The following VEGFA variants were observed in gnomAD, a reference collection of about 807,000 sequenced individuals.
VEGFA encodes vascular endothelial growth factor A, long form.
A neutral mutation model predicts 49.7 loss-of-function variants in VEGFA; 20 were observed. The observed-to-expected ratio is 0.40, with a 90% CI of 0.28 to 0.58. The LOEUF is 0.58. Ranked by LOEUF, VEGFA falls within the 20% of genes least tolerant of loss-of-function variation. The pLI, the probability that VEGFA is intolerant of heterozygous loss-of-function variation, is 0.40. For synonymous variants in VEGFA, 219 were observed against 223.4 expected, an observed-to-expected ratio of 0.98 and a Z score of 0.18; for missense variants, 505 against 553.5, an observed-to-expected ratio of 0.91 and a Z score of 0.88.
rs1355323511 is a variant in VEGFA, at chr6:43,785,628, C to G, written c.*1066C>G. On this transcript the variant is annotated 3_prime_UTR_variant, in exon 8 of 8. Coordinates refer to ENST00000672860, the MANE Select transcript of VEGFA (RefSeq NM_003376.6). ...ACCTATGTCCTCACACCATTGAAAC[C>G]ACTAGTTCTGTCCCCCCAGGAGACC... 9.8e-6 allele frequency: 2 copies of G among 203,554 alleles called. No individual in the cohort carries two copies. The highest frequency in any genetic ancestry group is 1.2e-4 in the Admixed American group (2 of 16,714). The allele number at this position is 203,554 out of a possible 1,614,324, so 12.6% of individuals were successfully genotyped here.
intron 6 of VEGFA, chr6:43,781,727 GC>G: frequency 1.9e-6 from 1 of 524,142 alleles, no homozygotes; most frequent in Admixed American, 2.8e-5. Flanking sequence ...TGCACTCTCT[GC>G]CCGTCTGTGC....
chr6:43,774,175 C>A (rs1350035927), intron 1 of VEGFA, 166 bp from the exon 2 acceptor site: 4 of 705,868 alleles, frequency 5.7e-6, no homozygotes, highest in Non-Finnish European at 1.0e-5. Context: ...TGGGCATATT[C>A]TGTGCCCGTG....
chr6:43,778,779 A>G (rs1451354203), intron 4 of VEGFA, 110 bp from the exon 5 acceptor site: 2 of 1,267,776 alleles, frequency 1.6e-6, no homozygotes, highest in East Asian at 4.7e-5. Flanking sequence ...GTGTTGCTCC[A>G]TAATAAATGC....
chr6:43,770,407 T>G lies in VEGFA; in HGVS notation c.-300T>G. On this transcript the variant is annotated 5_prime_UTR_variant, in exon 1 of 8. Coordinates refer to ENST00000672860, the MANE Select transcript of VEGFA (RefSeq NM_003376.6). ...TCTTAAACATTTTTTTTTAAAACTG[T>G]ATTGTTTCTCGTTTTAATTTATTTT... 2.5e-6 allele frequency: 1 copy of G among 401,618 alleles called. No homozygotes were observed. The highest frequency in any genetic ancestry group is 4.3e-6 in the Non-Finnish European group (1 of 234,912). The allele number at this position is 401,618 out of a possible 1,614,324, so 24.9% of individuals were successfully genotyped here.
rs569791806 is a variant in VEGFA, at chr6:43,774,374, G to C, written c.640G>C (p.Gly214Arg). The stretch of plus-strand genomic sequence containing the variant: ...GGCTGCACCCATGGCAGAAGGAGGA[G>C]GGCAGAATCATCACGAAGGTGAGTC... Residue 214 changes from glycine to arginine, a missense_variant, in exon 2 of 8, where the codon GGG becomes CGG. By Grantham distance (125) the Gly-to-Arg change is moderately radical. Around this residue, in one of 2 missense-constraint regions of VEGFA, gnomAD observed 340 missense variants for 321.8 expected, o/e 1.06. Coordinates refer to ENST00000672860, the MANE Select transcript of VEGFA (RefSeq NM_003376.6). The C allele has an allele frequency of 1.8e-4, 296 of 1,614,226 alleles. 1 individual carries two copies. The South Asian group carries it at 3.1e-3, about 17-fold the overall frequency.
chr6:43,773,442 G>C lies in VEGFA; in HGVS notation c.607-899G>C, dbSNP rs188250962. On this transcript the variant is annotated intron_variant, in intron 1 of 7. Transcript: ENST00000672860. The surrounding 1 kb of genome is among the most constrained non-coding windows in gnomAD (Gnocchi z 5.6). ...CGTGTTGACCTTCACAGCTTCTGGC[G>C]AGGGGAGGAATGATCTGATGCGGGT... The C allele has an allele frequency of 2.0e-5, 3 of 152,392 alleles. 1 individual carries two copies. The highest frequency in any genetic ancestry group is 1.9e-4 in the East Asian group (1 of 5,180). 9.4% of individuals were successfully genotyped at this position (152,392 alleles called of 1,614,324 possible). A position where few individuals can be genotyped will look rare whatever the true frequency, so the allele number is the denominator to read the frequency against.
At chr6:43,778,275 G>A (rs570568298) in intron 3 of VEGFA, 185 bp from the exon 4 acceptor site, 1 of 674,936 alleles carries the variant, frequency 1.5e-6, no homozygotes, top group East Asian at 2.7e-5. Flanking sequence ...AGGCCAGCAG[G>A]GTTGGGGGAG....
rs1251883361 is a variant in VEGFA, at chr6:43,786,056, C to T, written c.*1494C>T. On this transcript the variant is annotated 3_prime_UTR_variant, in exon 8 of 8. Transcript: ENST00000672860. ...CACTCAGCTCTGCCCTCCCCGATCC[C>T]CTGGCTCCCCAGCACACATTCCTTT... The T allele has an allele frequency of 5.5e-6, 1 of 182,074 alleles. No individual in the cohort carries two copies. Among genetic ancestry groups the T allele is most frequent in the East Asian group, 9.2e-5 (1 of 10,876 alleles). 11.3% of individuals were successfully genotyped at this position (182,074 alleles called of 1,614,324 possible).
chr6:43,784,592 G>A lies in VEGFA; in HGVS notation c.*30G>A. ...GGCAGGAGGAAGGAGCCTCCCTCAGGGTTTCGGGAACCAGATCTCTCACCA... is the reference window on the plus strand; with the variant it reads ...GGCAGGAGGAAGGAGCCTCCCTCAGAGTTTCGGGAACCAGATCTCTCACCA... On this transcript the variant is annotated 3_prime_UTR_variant, in exon 8 of 8. Coordinates refer to ENST00000672860, the MANE Select transcript of VEGFA (RefSeq NM_003376.6). The A allele has an allele frequency of 6.2e-7, 1 of 1,614,206 alleles. No individual in the cohort carries two copies. The highest frequency in any genetic ancestry group is 8.5e-7 in the Non-Finnish European group (1 of 1,180,032).
chr6:43,774,430 TC>T, intron 2 of VEGFA, 38 bp downstream of exon 2: 1 of 1,609,018 alleles, frequency 6.2e-7, no homozygotes, highest in East Asian at 2.2e-5. Flanking sequence ...TTCCCTGTCC[TC>T]TCAGGGGATG....
chr6:43,770,591 G>A lies in VEGFA; in HGVS notation c.-116G>A. On this transcript the variant is annotated 5_prime_UTR_variant, in exon 1 of 8. Coordinates refer to ENST00000672860, the MANE Select transcript of VEGFA (RefSeq NM_003376.6). Reference sequence around the variant, plus strand: ...AGAGAGACGGGGTCAGAGAGAGCGCGCGGGCGTGCGAGCAGCGAAAGCGAC... The same window carrying A: ...AGAGAGACGGGGTCAGAGAGAGCGCACGGGCGTGCGAGCAGCGAAAGCGAC... 7.1e-7 allele frequency: 1 copy of A among 1,415,602 alleles called. No homozygotes were observed. The highest frequency in any genetic ancestry group is 1.5e-5 in the South Asian group (1 of 66,652). 87.7% of individuals were successfully genotyped at this position (1,415,602 alleles called of 1,614,324 possible).
Position 43,781,768 on chromosome 6 carries a change from C to T in VEGFA, c.1035-188C>T, listed in dbSNP as rs952931365. The T allele has an allele frequency of 2.1e-5, 15 of 698,022 alleles. No homozygotes were observed. The Admixed American group carries it at 2.9e-4, about 14-fold the overall frequency. The allele number at this position is 698,022 out of a possible 1,614,324, so 43.2% of individuals were successfully genotyped here. A position where few individuals can be genotyped will look rare whatever the true frequency, so the allele number is the denominator to read the frequency against. On this transcript the variant is annotated intron_variant, in intron 6 of 7. Coordinates refer to ENST00000672860, the MANE Select transcript of VEGFA (RefSeq NM_003376.6). Reference sequence around the variant, plus strand: ...CTCTTCCTGCGGCAGGTGTCCTAGCCAGTGCTGCCTCTTTCCGCCGCTCTC... The same window carrying T: ...CTCTTCCTGCGGCAGGTGTCCTAGCTAGTGCTGCCTCTTTCCGCCGCTCTC...
intron 5 of VEGFA, 30 bp downstream of exon 5, chr6:43,778,948 C>G (rs1047591673): frequency 6.2e-7 from 1 of 1,614,018 alleles, no homozygotes; most frequent in African/African-American, 1.3e-5. Flanking sequence ...GCACTTCTCC[C>G]TCTCCATGGC....
chr6:43,770,778 G>T lies in VEGFA; in HGVS notation c.72G>T (p.Val24=), dbSNP rs1763287398. 1.4e-6 allele frequency: 2 copies of T among 1,474,792 alleles called. No homozygotes were observed. The highest frequency in any genetic ancestry group is 1.5e-5 in the African/African-American group (1 of 67,824). 91.4% of individuals were successfully genotyped at this position (1,474,792 alleles called of 1,614,324 possible). ...TCCTCCCCGGCCGGCGGCGGACAGTGGACGCGGCGGCGAGCCGCGGGCAGG... is the reference window on the plus strand; with the variant it reads ...TCCTCCCCGGCCGGCGGCGGACAGTTGACGCGGCGGCGAGCCGCGGGCAGG... The change falls in exon 1 of 8, where the codon GTG becomes GTT. Residue 24 remains valine, a synonymous_variant. Transcript: ENST00000672860.
chr6:43,772,025 T>C, intron 1 of VEGFA: 2 of 985,286 alleles, frequency 2.0e-6, no homozygotes, highest in East Asian at 2.3e-4. Flanking sequence ...GAGCCTCGGC[T>C]GCCCGAATGG....
intron 1 of VEGFA, 64 bp downstream of exon 1, chr6:43,771,376 G>A: frequency 6.5e-7 from 1 of 1,534,858 alleles, no homozygotes; most frequent in East Asian, 2.4e-5. Context: ...CTGGGGACGT[G>A]CGTGCGAGCG....
chr6:43,777,362 C>T lies in VEGFA; in HGVS notation c.659-107C>T. ...TTACGTTAGATTTTGGAAGGACTTGCCTGATTCGGAAGCTCCAAAGAGTGG... is the reference window on the plus strand; with the variant it reads ...TTACGTTAGATTTTGGAAGGACTTGTCTGATTCGGAAGCTCCAAAGAGTGG... On this transcript the variant is annotated intron_variant, in intron 2 of 7. Transcript: ENST00000672860. This position sits in a 1 kb window ranked among gnomAD's most constrained non-coding sequence, Gnocchi z 4.3. 2 of 1,309,112 alleles carry T rather than the reference C, an allele frequency of 1.5e-6. No homozygotes were observed. Among genetic ancestry groups the T allele is most frequent in the Non-Finnish European group, 2.2e-6 (2 of 922,888 alleles). 81.1% of individuals were successfully genotyped at this position (1,309,112 alleles called of 1,614,324 possible).
chr6:43,778,542 G>A lies in VEGFA; in HGVS notation c.932+6G>A. 6.2e-7 allele frequency: 1 copy of A among 1,613,534 alleles called. No homozygotes were observed. The highest frequency in any genetic ancestry group is 2.2e-5 in the East Asian group (1 of 44,878). ...CACAACAAATGTGAATGCAGGTGAG[G>A]ATGTAGTCACGGATTCATTATCAGC... On this transcript the variant is annotated splice_donor_region_variant and intron_variant, in intron 4 of 7. Transcript: ENST00000672860.
intron 6 of VEGFA, chr6:43,781,093 C>T: frequency 1.6e-6 from 1 of 641,918 alleles, no homozygotes; most frequent in Non-Finnish European, 2.7e-6. Context: ...CTCTCACCCA[C>T]TGGGCACTGG....
Sources: allele counts gnomAD v4.1 joint callset, GRCh38; gene constraint gnomAD v4.1.1; regional missense constraint gnomAD v4.1.1; non-coding constraint Gnocchi (gnomAD v3.1); transcripts MANE v1.5; gene names NCBI Gene and HGNC (gene_info 2026-07-23, HGNC 2026-07-21).